The following ADAMTSL1 variants were observed in gnomAD, a reference collection of about 807,000 sequenced individuals.
The protein encoded by ADAMTSL1 is ADAMTS like 1, also known as ADAMTS-like protein 1.
In ADAMTSL1, 126 loss-of-function variants were observed where a neutral mutation model predicts 201.8. The ratio of observed to expected loss-of-function variants is 0.62; its 90% CI spans 0.54 to 0.72. The LOEUF is 0.72. Among genes scored for constraint, ADAMTSL1 ranks in the 30% least tolerant of loss-of-function variants. The probability of loss-of-function intolerance (pLI) is 0.00; values close to 1 mark genes in which losing one functional copy is unlikely to be tolerated. For synonymous variants in ADAMTSL1, 1,121 were observed against 903.4 expected (o/e 1.24, Z -4.32); for missense variants, 2,679 against 2,277.8 (o/e 1.18, Z -3.59).
chr9:18,438,156 T>C (rs563862944), intron 2 of ADAMTSL1, among the ~76,000 whole-genome samples: 32 of 151,874 alleles, frequency 2.1e-4, no homozygotes, highest in African/African-American at 6.3e-4. Flanking sequence ...ATTGGCGTTA[T>C]GTGACCTGAA....
intron 1 of ADAMTSL1, among the ~76,000 whole-genome samples, chr9:18,111,756 A>C (rs988005233): frequency 6.6e-6 from 1 of 152,150 alleles, no homozygotes; most frequent in African/African-American, 2.4e-5. Context: ...AGTTGGGGTC[A>C]CGGTTTTCAT....
At chr9:18,288,481 G>A (rs1047990464) in intron 2 of ADAMTSL1, among the ~76,000 whole-genome samples, 1 of 152,222 alleles carries the variant, frequency 6.6e-6, no homozygotes, top group Admixed American at 6.5e-5. Flanking sequence ...ACTGAGTTAG[G>A]TTTCTTAATA....
At chr9:18,751,649 A>G (rs1159482894) in intron 15 of ADAMTSL1, among the ~76,000 whole-genome samples, 7 of 152,216 alleles carry the variant, frequency 4.6e-5, no homozygotes, top group Admixed American at 4.6e-4. Context: ...CGGGCCCTAC[A>G]TCAGGAGGTA....
At position 17,912,334 on chromosome 9, in the gene ADAMTSL1, C is replaced by G. The variant is rs1245297931; in HGVS notation, c.87+5412C>G. Among the ~76,000 whole-genome samples, 11 of 61,378 alleles carry G rather than the reference C, an allele frequency of 1.8e-4. 5 individuals are homozygous for G. The highest frequency in any genetic ancestry group is 4.5e-4 in the Non-Finnish European group (9 of 19,826). The allele number at this position is 61,378 out of a possible 152,430, so 40.3% of individuals were successfully genotyped here. On this transcript the variant is annotated intron_variant, in intron 1 of 29. Coordinates refer to the ADAMTSL1 transcript ENST00000680146. ...AAAAGTGTTCCTATTTCTCCACATC[C>G]TCTCCAGCACCTGTTGTTTCCTGAC...
chr9:18,518,295 C>A (rs1564012737), intron 2 of ADAMTSL1, among the ~76,000 whole-genome samples: 1 of 152,144 alleles, frequency 6.6e-6, no homozygotes, highest in Non-Finnish European at 1.5e-5. Flanking sequence ...ACCCCGCCCC[C>A]CAACCCAGCC....
intron 15 of ADAMTSL1, among the ~76,000 whole-genome samples, chr9:18,728,618 T>C (rs1046415020): frequency 6.6e-6 from 1 of 152,144 alleles, no homozygotes; most frequent in African/African-American, 2.4e-5. Flanking sequence ...AGGGCAAGCA[T>C]GGAGTTCGGT....
At chr9:18,857,191 C>G (rs1161895282) in intron 23 of ADAMTSL1, among the ~76,000 whole-genome samples, 1 of 152,158 alleles carries the variant, frequency 6.6e-6, no homozygotes, top group Non-Finnish European at 1.5e-5. Context: ...AAGTGGAATA[C>G]AAAGAACTTT....
intron 22 of ADAMTSL1, among the ~76,000 whole-genome samples, chr9:18,826,985 C>T (rs1824613643): frequency 6.6e-6 from 1 of 152,074 alleles, no homozygotes; most frequent in Non-Finnish European, 1.5e-5. Context: ...AAGACTCTGG[C>T]ATGGCTCCTG....
At chr9:18,696,865 ATATTATTAT>A (rs142242579) in intron 13 of ADAMTSL1, among the ~76,000 whole-genome samples, 1 of 142,280 alleles carries the variant, frequency 7.0e-6, no homozygotes, top group African/African-American at 2.6e-5. Context: ...CATGTCAAAA[ATATTATTAT>A]TATTATTATT....
intron 1 of ADAMTSL1, among the ~76,000 whole-genome samples, chr9:17,907,374 C>A (rs1385172889): frequency 1.3e-5 from 2 of 152,176 alleles, no homozygotes; most frequent in East Asian, 3.9e-4. Context: ...CGCCCTTCTG[C>A]GGACCTAGTG....
At chr9:18,860,019 G>A (rs1037682247) in intron 23 of ADAMTSL1, among the ~76,000 whole-genome samples, 1 of 152,182 alleles carries the variant, frequency 6.6e-6, no homozygotes, top group Admixed American at 6.5e-5. Flanking sequence ...TGATGTGTGT[G>A]CATATGTGTG....
chr9:18,680,406 C>A lies in ADAMTSL1; in HGVS notation c.1231C>A (p.His411Asn), dbSNP rs1215550120. ...VSCVEEDIQG[H>N]VTSVEEWKCM... ...CTGTGTGGAGGAGGACATCCAGGGG[C>A]ATGTCACTTCAGTGGAAGAGTGGAA... is the stretch of plus-strand genomic sequence containing the variant. The change falls in exon 11 of 29, where the codon CAT (histidine) becomes AAT (asparagine). Residue 411 changes from histidine to asparagine, a missense_variant. Coordinates refer to ENST00000380548, the MANE Select transcript of ADAMTSL1 (RefSeq NM_001040272.6). 1.2e-6 allele frequency: 2 copies of A among 1,614,164 alleles called. No individual in the cohort carries two copies. The highest frequency in any genetic ancestry group is 3.3e-5 in the Admixed American group (2 of 60,026).
chr9:18,085,057 T>C (rs2131789288), intron 1 of ADAMTSL1, among the ~76,000 whole-genome samples: 1 of 152,220 alleles, frequency 6.6e-6, no homozygotes, highest in Admixed American at 6.5e-5. Context: ...AGTGCTACCA[T>C]GCTGAGCTGG....
intron 15 of ADAMTSL1, among the ~76,000 whole-genome samples, chr9:18,728,957 C>G (rs1159689471): frequency 6.6e-6 from 1 of 152,216 alleles, no homozygotes; most frequent in Non-Finnish European, 1.5e-5. Flanking sequence ...GAAAGCTAAA[C>G]TCTGAAAATG....
rs573609715 is a variant in ADAMTSL1, at chr9:17,921,339, T to C, written c.87+14417T>C. On this transcript the variant is annotated intron_variant, in intron 1 of 29. Coordinates refer to the ADAMTSL1 transcript ENST00000680146. ...CACATGGTTTGGTGACTCCTTGTTT[T>C]ATCTCTCTGCCCGCACAATTCTGCT... 7.5e-4 allele frequency among the ~76,000 whole-genome samples: 114 copies of C among 152,290 alleles called. 2 individuals are homozygous for C. The highest frequency in any genetic ancestry group is 7.4e-3 in the Admixed American group (113 of 15,286).
chr9:18,339,970 T>A (rs1299567167), intron 2 of ADAMTSL1, among the ~76,000 whole-genome samples: 12 of 152,162 alleles, frequency 7.9e-5, no homozygotes, highest in African/African-American at 2.7e-4. Context: ...ATTTTCCCCT[T>A]CCCGCATTAC....
At chr9:17,970,418 G>A (rs565638063) in intron 1 of ADAMTSL1, among the ~76,000 whole-genome samples, 12 of 152,050 alleles carry the variant, frequency 7.9e-5, no homozygotes, top group African/African-American at 2.6e-4. Context: ...ACTCACTGCT[G>A]TCCTCAGAGT....
chr9:18,835,013 G>A (rs1825228026), intron 23 of ADAMTSL1, among the ~76,000 whole-genome samples: 3 of 152,152 alleles, frequency 2.0e-5, no homozygotes, highest in South Asian at 4.1e-4. Flanking sequence ...CGAATCATAG[G>A]TATATATTTA....
intron 2 of ADAMTSL1, among the ~76,000 whole-genome samples, chr9:18,367,955 A>G (rs1382305232): frequency 1.3e-5 from 2 of 151,990 alleles, no homozygotes; most frequent in Non-Finnish European, 2.9e-5. Context: ...GCTGGAGTGC[A>G]GTGGCGCGAT....
Sources: gnomAD v4.1 joint callset for allele counts (sites outside exome capture counted in the v4.1 genomes callset) on GRCh38, gnomAD v4.1.1 for gene constraint, MANE v1.5 for transcripts, NCBI Gene and HGNC (gene_info 2026-07-23, HGNC 2026-07-21) for gene names.